Variants in LRRC43 observed in about 807,000 individuals in gnomAD.
The protein encoded by LRRC43 is leucine rich repeat containing 43.
A neutral mutation model predicts 64.3 loss-of-function variants in LRRC43; 62 were observed. That is an observed-to-expected ratio of 0.96 (90% CI 0.79 to 1.19). LRRC43 has a LOEUF of 1.19. LRRC43 is among the 50% of genes most tolerant of loss of function. LRRC43 has a pLI of 0.00. For missense variants in LRRC43, 868 were observed against 845.0 expected (o/e 1.03, Z -0.34); for synonymous variants, 422 against 382.3 (o/e 1.10, Z -1.21).
At chr12:122,186,165 C>T in intron 2 of LRRC43, 25 bp from the exon 3 acceptor site, 1 of 1,389,316 alleles carries the variant, frequency 7.2e-7, no homozygotes, top group Non-Finnish European at 1.0e-6. Context: ...TGCTACAGCC[C>T]TCAGCTTCCT....
At chr12:122,188,348 C>G (rs1490606806) in intron 4 of LRRC43, among the ~76,000 whole-genome samples, 1 of 151,880 alleles carries the variant, frequency 6.6e-6, no homozygotes, top group Non-Finnish European at 1.5e-5. Context: ...ACCTCGTGAT[C>G]CGCCCGTCTC....
At chr12:122,197,076 C>T (rs61622425) in intron 7 of LRRC43, among the ~76,000 whole-genome samples, 2,705 of 152,236 alleles carry the variant, frequency 0.018, 73 homozygotes, top group African/African-American at 0.06. Context: ...GGGCAAGTCC[C>T]TCCCCCAGTT....
rs773376494 is a variant in LRRC43, at chr12:122,184,846, G to T, written c.411+67G>T. The T allele has an allele frequency of 1.3e-6, 2 of 1,519,380 alleles. No individual in the cohort carries two copies. The highest frequency in any genetic ancestry group is 2.4e-5 in the South Asian group (2 of 82,632). The allele number at this position is 1,519,380 out of a possible 1,614,324, so 94.1% of individuals were successfully genotyped here. A position where few individuals can be genotyped will look rare whatever the true frequency, so the allele number is the denominator to read the frequency against. On this transcript the variant is annotated intron_variant, in intron 2 of 11. Coordinates refer to ENST00000339777, the MANE Select transcript of LRRC43 (RefSeq NM_001098519.2). This position sits in a 1 kb window ranked among gnomAD's most constrained non-coding sequence, Gnocchi z 4.0. ...TCCCCTAAGGGAGGTTGTGGGGAGG[G>T]CACCCTTCCCCACAGCGCGTCAGGG...
At chr12:122,167,973 C>T (rs1953454892) in intron 1 of LRRC43, among the ~76,000 whole-genome samples, 1 of 151,670 alleles carries the variant, frequency 6.6e-6, no homozygotes, top group African/African-American at 2.4e-5. Context: ...CACCACCACA[C>T]CTGGCTAATT....
upstream of LRRC43, among the ~76,000 whole-genome samples, chr12:122,180,292 G>T (rs1292973970): frequency 6.6e-6 from 1 of 152,156 alleles, no homozygotes; most frequent in Non-Finnish European, 1.5e-5. Context: ...GCCAAGGCAG[G>T]TGGATCACTT....
chr12:122,188,200 G>A (rs998354817), intron 4 of LRRC43, among the ~76,000 whole-genome samples: 5 of 152,124 alleles, frequency 3.3e-5, no homozygotes, highest in East Asian at 1.9e-4. Context: ...TCCGCCTGCC[G>A]GGTTCACGCC....
chr12:122,183,090 G>GGCCCCT (rs1447248567), upstream of LRRC43: 4 of 1,509,876 alleles, frequency 2.6e-6, no homozygotes, highest in African/African-American at 5.7e-5. Context: ...CGCCTGGAGA[G>GGCCCCT]GCCCCTGCCC....
chr12:122,182,997 T>G, upstream of LRRC43: 1 of 1,270,214 alleles, frequency 7.9e-7, no homozygotes, highest in Non-Finnish European at 1.0e-6. Flanking sequence ...TTTTTATAGA[T>G]GAGGGCAGAA....
chr12:122,181,219 A>G (rs1187761227), upstream of LRRC43, among the ~76,000 whole-genome samples: 6 of 147,412 alleles, frequency 4.1e-5, no homozygotes, highest in Non-Finnish European at 9.0e-5. Context: ...CCCTGCCTCA[A>G]AAAAAAAAAA....
chr12:122,197,457 G>A (rs939404670), intron 7 of LRRC43, among the ~76,000 whole-genome samples: 1 of 152,046 alleles, frequency 6.6e-6, no homozygotes, highest in Non-Finnish European at 1.5e-5. Context: ...GAGCCACCGC[G>A]CCTGGCCCCC....
chr12:122,192,708 A>G (rs1593150951), intron 6 of LRRC43, 37 bp from the exon 7 acceptor site: 1 of 1,604,724 alleles, frequency 6.2e-7, no homozygotes, highest in Non-Finnish European at 8.5e-7. Flanking sequence ...CATCCTGAAG[A>G]CGGCAGCCTT....
chr12:122,194,876 A>T (rs1250634549), intron 7 of LRRC43, among the ~76,000 whole-genome samples: 1 of 152,200 alleles, frequency 6.6e-6, no homozygotes, highest in African/African-American at 2.4e-5. Flanking sequence ...CCAAACTACA[A>T]TTTTATAGAT....
chr12:122,183,398 A>G (rs1033326474), intron 1 of LRRC43, 104 bp downstream of exon 1: 21 of 1,250,544 alleles, frequency 1.7e-5, no homozygotes, highest in Non-Finnish European at 2.2e-5. Flanking sequence ...GGATCTGCGC[A>G]TTCTGGGGGC....
Position 122,187,737 on chromosome 12 carries a change from G to T in LRRC43, c.559G>T (p.Glu187Ter). ...CTACGGCAATGAGATCAGCAGCATG[G>T]AGTGTCTGTGTGCCCACCCACCCGC... Reference protein sequence around the residue: ...ELYGNEISSMECLCAHPPAGL... With the variant: ...ELYGNEISSM The change falls in exon 4 of 12, where the codon GAG (glutamate) becomes TAG (stop). Residue 187 changes from glutamate to a stop codon, truncating the protein, a stop_gained. Coordinates refer to ENST00000339777, the MANE Select transcript of LRRC43 (RefSeq NM_001098519.2). LOFTEE classifies it high-confidence loss of function. 1 of 1,614,022 alleles carries T rather than the reference G, an allele frequency of 6.2e-7. No homozygotes were observed. The highest frequency in any genetic ancestry group is 8.5e-7 in the Non-Finnish European group (1 of 1,180,028).
At chr12:122,193,710 C>T (rs1222835826) in intron 7 of LRRC43, among the ~76,000 whole-genome samples, 1 of 152,138 alleles carries the variant, frequency 6.6e-6, no homozygotes, top group African/African-American at 2.4e-5. Flanking sequence ...CAGGCATGTG[C>T]TACCATGCCC....
chr12:122,187,820 C>T lies in LRRC43; in HGVS notation c.642C>T (p.Leu214=). 2 of 1,614,100 alleles carry T rather than the reference C, an allele frequency of 1.2e-6. No homozygotes were observed. The highest frequency in any genetic ancestry group is 1.3e-5 in the African/African-American group (1 of 75,042). ...HNKLLGPLES[L]YVTANHWPNL... The stretch of plus-strand genomic sequence containing the variant: ...AACTTCTAGGCCCCTTGGAAAGTCT[C>T]TACGTCACCGCTAATCACTGGTAAC... Residue 214 remains leucine, a synonymous_variant, in exon 4 of 12, where the codon CTC becomes CTT. Coordinates refer to ENST00000339777, the MANE Select transcript of LRRC43 (RefSeq NM_001098519.2).
intron 1 of LRRC43, among the ~76,000 whole-genome samples, chr12:122,174,664 C>T (rs1436426606): frequency 2.0e-5 from 3 of 152,064 alleles, no homozygotes; most frequent in Admixed American, 1.3e-4. Context: ...CATATGCCCA[C>T]GCCGGTGTGC....
chr12:122,197,643 C>T lies in LRRC43; in HGVS notation c.1350-2546C>T, dbSNP rs12318323. Among the ~76,000 whole-genome samples, 487 of 152,140 alleles carry T rather than the reference C, an allele frequency of 3.2e-3. 3 individuals are homozygous for T. Among genetic ancestry groups the T allele is most frequent in the African/African-American group, 0.011 (458 of 41,508 alleles). ...GGAGGCATGGTAGAAAGAAGGTTAA[C>T]TATGGAGGAAGGCAGGGATTGGCAA... is the stretch of plus-strand genomic sequence containing the variant. On this transcript the variant is annotated intron_variant, in intron 7 of 11. Coordinates refer to ENST00000339777, the MANE Select transcript of LRRC43 (RefSeq NM_001098519.2).
At chr12:122,195,980 C>T (rs972607367) in intron 7 of LRRC43, among the ~76,000 whole-genome samples, 1 of 152,196 alleles carries the variant, frequency 6.6e-6, no homozygotes, top group Non-Finnish European at 1.5e-5. Context: ...CCCTAGCGCC[C>T]ATGAGGTTGC....
Sources: gnomAD v4.1 joint callset for allele counts (sites outside exome capture counted in the v4.1 genomes callset) on GRCh38, gnomAD v4.1.1 for gene constraint, Gnocchi (gnomAD v3.1) non-coding constraint, MANE v1.5 for transcripts, NCBI Gene and HGNC (gene_info 2026-07-23, HGNC 2026-07-21) for gene names.